Variants in LOC400499 observed in about 807,000 individuals in gnomAD.
At chr16:11,437,565 T>C in the LOC400499 span, among the ~76,000 whole-genome samples, 10 of 152,078 alleles carry the variant, frequency 6.6e-5, no homozygotes, top group East Asian at 5.8e-4. Context: ...TCTTAAAAAT[T>C]AAAATTAAAA....
chr16:11,459,810 G>A, the LOC400499 span: 3 of 1,220,502 alleles, frequency 2.5e-6, no homozygotes, highest in Non-Finnish European at 3.1e-6. Flanking sequence ...TGTAGCCAGG[G>A]CCAGAGGGCC....
At chr16:11,470,239 C>T in the LOC400499 span, among the ~76,000 whole-genome samples, 3 of 152,254 alleles carry the variant, frequency 2.0e-5, no homozygotes, top group Middle Eastern at 3.4e-3. Context: ...GCTTTGTGTC[C>T]TTGTCCCCCA....
the LOC400499 span, chr16:11,460,632 C>T: frequency 6.0e-6 from 9 of 1,505,762 alleles, no homozygotes; most frequent in African/African-American, 8.3e-5. Flanking sequence ...AACCCAGAGA[C>T]CCCTGCCCTC....
At chr16:11,375,068 G>A in the LOC400499 span, among the ~76,000 whole-genome samples, 2 of 151,898 alleles carry the variant, frequency 1.3e-5, no homozygotes, top group African/African-American at 4.8e-5. Flanking sequence ...GGCTGGTCTT[G>A]AACTCCTGGC....
the LOC400499 span, chr16:11,412,984 G>C: frequency 5.0e-6 from 2 of 399,162 alleles, no homozygotes; most frequent in African/African-American, 4.1e-5. Flanking sequence ...GAGATGTGTG[G>C]GTGTACATAG....
the LOC400499 span, chr16:11,460,191 T>G: frequency 1.3e-6 from 1 of 775,316 alleles, no homozygotes; most frequent in Non-Finnish European, 1.8e-6. Flanking sequence ...CTATTTTTTT[T>G]TAATTTATTA....
chr16:11,433,892 A>G, the LOC400499 span, among the ~76,000 whole-genome samples: 2 of 152,292 alleles, frequency 1.3e-5, no homozygotes, highest in South Asian at 4.1e-4. Context: ...GCTGTTCTCA[A>G]ATCATATCCT....
chr16:11,448,159 C>T, the LOC400499 span: 1 of 1,435,984 alleles, frequency 7.0e-7, no homozygotes, highest in Admixed American at 2.5e-5. Context: ...GAGGTAGCCC[C>T]CCACAACCTG....
the LOC400499 span, among the ~76,000 whole-genome samples, chr16:11,388,832 A>C: frequency 2.0e-5 from 3 of 152,310 alleles, no homozygotes; most frequent in South Asian, 6.2e-4. Flanking sequence ...TTGGTGGCTC[A>C]TGCCTATAAT....
the LOC400499 span, chr16:11,387,160 C>A: frequency 8.9e-6 from 11 of 1,232,250 alleles, no homozygotes; most frequent in Admixed American, 1.3e-4. Context: ...AGTACTCAGC[C>A]AGCACGTTGG....
At chr16:11,507,556 T>C in the LOC400499 span, among the ~76,000 whole-genome samples, 2 of 152,158 alleles carry the variant, frequency 1.3e-5, no homozygotes, top group Admixed American at 1.3e-4. Flanking sequence ...ATGATATGAA[T>C]TTCACTGAGA....
the LOC400499 span, among the ~76,000 whole-genome samples, chr16:11,507,980 T>C: frequency 1.3e-5 from 2 of 152,138 alleles, no homozygotes; most frequent in African/African-American, 4.8e-5. Context: ...AAAAGATATG[T>C]CCATGTCCTA....
At chr16:11,412,929 C>A in the LOC400499 span, 7 of 399,142 alleles carry the variant, frequency 1.8e-5, no homozygotes, top group Non-Finnish European at 3.1e-5. Flanking sequence ...ATCTCTTCTG[C>A]CTCCCAGAGT....
chr16:11,525,942 G>C, the LOC400499 span, among the ~76,000 whole-genome samples: 48 of 152,312 alleles, frequency 3.2e-4, no homozygotes, highest in Middle Eastern at 0.01. Context: ...CTTCCAGGAA[G>C]AGATCTGAAA....
the LOC400499 span, chr16:11,514,340 C>T: frequency 1.3e-5 from 5 of 399,150 alleles, no homozygotes; most frequent in African/African-American, 1.0e-4. Flanking sequence ...GGGTGGCCAC[C>T]AGGGAAGGCT....
the LOC400499 span, chr16:11,404,963 T>C: frequency 6.5e-5 from 26 of 397,710 alleles, no homozygotes; most frequent in African/African-American, 3.9e-4. Flanking sequence ...AAGGGAATAT[T>C]TGTGGATCAT....
At chr16:11,416,573 C>T in the LOC400499 span, among the ~76,000 whole-genome samples, 1 of 152,190 alleles carries the variant, frequency 6.6e-6, no homozygotes, top group Non-Finnish European at 1.5e-5. Flanking sequence ...ACAGAGCACA[C>T]ATTCTGGTGA....
chr16:11,482,942 T>C, the LOC400499 span, among the ~76,000 whole-genome samples: 2 of 148,722 alleles, frequency 1.3e-5, no homozygotes, highest in Admixed American at 6.7e-5. Flanking sequence ...TTCTGGAGTA[T>C]AGAAAGAATT....
At chr16:11,445,537 A>C in the LOC400499 span, among the ~76,000 whole-genome samples, 1 of 152,158 alleles carries the variant, frequency 6.6e-6, no homozygotes, top group East Asian at 1.9e-4. Context: ...AAAGATGAGT[A>C]GAAGGGAGGA....
Sources: allele counts gnomAD v4.1 joint callset (sites outside exome capture counted in the v4.1 genomes callset), GRCh38; gene constraint gnomAD v4.1.1; transcripts MANE v1.5.